Variants in ARHGEF4 observed in about 807,000 individuals in gnomAD.
The protein encoded by ARHGEF4 is APC-stimulated guanine nucleotide exchange factor 1.
A neutral mutation model predicts 162.0 loss-of-function variants in ARHGEF4; 119 were observed. The observed-to-expected ratio is 0.73, with a 90% CI of 0.63 to 0.86. ARHGEF4 has a LOEUF of 0.86. Ranked by LOEUF, ARHGEF4 falls within the 40% of genes least tolerant of loss-of-function variation. The pLI, the probability that ARHGEF4 is intolerant of heterozygous loss-of-function variation, is 0.00. For synonymous variants in ARHGEF4, 1,014 were observed against 979.9 expected (o/e 1.03, Z -0.65); for missense variants, 2,488 against 2,456.0 (o/e 1.01, Z -0.28).
Position 131,040,115 on chromosome 2 carries a change from C to G in ARHGEF4, c.4405C>G (p.Gln1469Glu). The part of the protein sequence containing the change: ...GGAEAQSSKD[Q>E]MRTNVINEIL... ...GGCGGAGGCGCAGAGCAGCAAGGAC[C>G]AGATGCGGACCAACGTCATCAACGA... The change falls in exon 7 of 14, where the codon CAG (glutamine) becomes GAG (glutamate). Residue 1469 changes from glutamine to glutamate, a missense_variant. Physicochemically the swap from Gln to Glu is conservative, Grantham distance 29. Around this residue, in one of 6 missense-constraint regions of ARHGEF4, gnomAD observed 174 missense variants for 148.3 expected, o/e 1.17. Coordinates refer to ENST00000409359, the MANE Select transcript of ARHGEF4 (RefSeq NM_001367493.1). 1 of 1,613,034 alleles carries G rather than the reference C, an allele frequency of 6.2e-7. No individual in the cohort carries two copies. Among genetic ancestry groups the G allele is most frequent in the Non-Finnish European group, 8.5e-7 (1 of 1,179,576 alleles).
rs532494287 is a variant in ARHGEF4, at chr2:131,041,657, A to G, written c.4896-158A>G. The stretch of plus-strand genomic sequence containing the variant: ...TATTAAGCTCTGCTCTGTGCTTGCC[A>G]TTTATGGAGAAGAGAGGGGCTGTGC... On this transcript the variant is annotated intron_variant, in intron 9 of 13. Transcript: ENST00000409359. The G allele has an allele frequency of 9.9e-5, 120 of 1,207,232 alleles. No homozygotes were observed. The East Asian group carries it at 2.7e-3, about 28-fold the overall frequency. The allele number at this position is 1,207,232 out of a possible 1,614,324, so 74.8% of individuals were successfully genotyped here.
chr2:130,838,217 A>G (rs913429560), intron 1 of ARHGEF4, among the ~76,000 whole-genome samples: 1 of 152,240 alleles, frequency 6.6e-6, no homozygotes, highest in African/African-American at 2.4e-5. Context: ...TGGGACAATC[A>G]CATAACCACC....
In ARHGEF4 at chr2:130,868,203, G is replaced by A. The variant is rs1251206444; in HGVS notation, c.39+31211G>A. ...GCCTCCCAGAGTGCTGGGATTACAG[G>A]AGTGAGCCACCACACCCGGCCAAGG... On this transcript the variant is annotated intron_variant, in intron 1 of 13. Transcript: ENST00000409359. Among the ~76,000 whole-genome samples the A allele has an allele frequency of 9.2e-5, 14 of 152,198 alleles. 1 individual carries two copies. The highest frequency in any genetic ancestry group is 7.2e-4 in the Admixed American group (11 of 15,280).
intron 4 of ARHGEF4, among the ~76,000 whole-genome samples, chr2:130,956,014 A>C (rs1303257073): frequency 6.6e-6 from 1 of 152,218 alleles, no homozygotes; most frequent in Non-Finnish European, 1.5e-5. Flanking sequence ...TTTGAGCCAG[A>C]GCTCAAGCTC....
chr2:130,839,597 C>T (rs929287139), intron 1 of ARHGEF4, among the ~76,000 whole-genome samples: 1 of 152,170 alleles, frequency 6.6e-6, no homozygotes, highest in Non-Finnish European at 1.5e-5. Flanking sequence ...GCAGACCAGT[C>T]GGAGAGCCTG....
At position 130,878,929 on chromosome 2, in the gene ARHGEF4, AAG is replaced by A. The variant is rs1411802655; in HGVS notation, c.40-35052_40-35051del. ...TTTTTTGGGCATCATGGGGACACAT[AAG>A]AGAGGAAGTAGTTTTTGGATTGGTC... On this transcript the variant is annotated intron_variant, in intron 1 of 13. Coordinates refer to ENST00000409359, the MANE Select transcript of ARHGEF4 (RefSeq NM_001367493.1). Among the ~76,000 whole-genome samples, 4 of 152,246 alleles carry A rather than the reference AAG, an allele frequency of 2.6e-5. No individual in the cohort carries two copies. In the East Asian group the frequency reaches 7.7e-4, roughly 29 times the overall value.
In ARHGEF4 at chr2:131,046,542, T is replaced by C. The variant is rs1691279684; in HGVS notation, c.*353T>C. ...AAGGCGCTACCTGCGTGGGACCCTCTTCTCTGGAAACCTAATCCTCCTTTC... is the reference window on the plus strand; with the variant it reads ...AAGGCGCTACCTGCGTGGGACCCTCCTCTCTGGAAACCTAATCCTCCTTTC... On this transcript the variant is annotated 3_prime_UTR_variant, in exon 14 of 14. Transcript: ENST00000409359. 4.6e-6 allele frequency: 1 copy of C among 217,034 alleles called. No homozygotes were observed. Among genetic ancestry groups the C allele is most frequent in the South Asian group, 1.3e-4 (1 of 7,662 alleles). The allele number at this position is 217,034 out of a possible 1,614,324, so 13.4% of individuals were successfully genotyped here. A position where few individuals can be genotyped will look rare whatever the true frequency, so the allele number is the denominator to read the frequency against.
At chr2:130,904,517 T>C (rs986338363) in intron 1 of ARHGEF4, among the ~76,000 whole-genome samples, 1 of 152,104 alleles carries the variant, frequency 6.6e-6, no homozygotes, top group African/African-American at 2.4e-5. Flanking sequence ...CCATTTGATA[T>C]AACAGCTAGG....
Position 130,915,926 on chromosome 2 carries a change from T to C in ARHGEF4, c.1980T>C (p.Pro660=). Residue 660 remains proline, a synonymous_variant, in exon 2 of 14, where the codon CCT becomes CCC. Coordinates refer to ENST00000409359, the MANE Select transcript of ARHGEF4 (RefSeq NM_001367493.1). The part of the protein sequence containing the change: ...PVPETLPRDF[P]KERPESPLST... ...CAGAAACACTGCCCCGTGACTTTCC[T>C]AAGGAAAGACCAGAATCTCCCTTGA... The C allele has an allele frequency of 6.4e-7, 1 of 1,550,536 alleles. No individual in the cohort carries two copies. The highest frequency in any genetic ancestry group is 8.7e-7 in the Non-Finnish European group (1 of 1,146,970).
At chr2:131,035,342 T>C in intron 5 of ARHGEF4, 2 of 1,128,794 alleles carry the variant, frequency 1.8e-6, no homozygotes, top group Non-Finnish European at 2.2e-6. Flanking sequence ...GCCTCCGCAC[T>C]GGTCGCGGAG....
intron 1 of ARHGEF4, chr2:130,837,646 C>T: frequency 2.2e-6 from 1 of 448,874 alleles, no homozygotes; most frequent in Non-Finnish European, 4.5e-6. Context: ...GGGCCGGGGG[C>T]TCCGGGGCAC....
chr2:131,013,664 G>A (rs545300736), intron 4 of ARHGEF4, among the ~76,000 whole-genome samples: 28 of 152,234 alleles, frequency 1.8e-4, no homozygotes, highest in Non-Finnish European at 2.6e-4. Flanking sequence ...GCAGTGGTGC[G>A]ATCTTGGCTC....
At chr2:130,931,583 G>T (rs1054867123) in intron 3 of ARHGEF4, among the ~76,000 whole-genome samples, 7 of 152,248 alleles carry the variant, frequency 4.6e-5, no homozygotes, top group Non-Finnish European at 7.3e-5. Context: ...CCTGCTGTGT[G>T]CCCGACATGA....
At chr2:130,918,881 A>C (rs918051200) in intron 2 of ARHGEF4, among the ~76,000 whole-genome samples, 6 of 152,194 alleles carry the variant, frequency 3.9e-5, no homozygotes, top group African/African-American at 1.4e-4. Flanking sequence ...AAGTTTAAAA[A>C]CAAAGCCAAA....
chr2:130,982,743 T>A (rs1469590737), intron 4 of ARHGEF4, among the ~76,000 whole-genome samples: 4 of 152,180 alleles, frequency 2.6e-5, no homozygotes. Context: ...TATATAACTT[T>A]TTTCACATCT....
At chr2:130,886,155 C>G (rs762427594) in intron 1 of ARHGEF4, among the ~76,000 whole-genome samples, 16 of 152,030 alleles carry the variant, frequency 1.1e-4, no homozygotes, top group Non-Finnish European at 1.9e-4. Flanking sequence ...ATCAACTTTG[C>G]CTCCTTGGTG....
chr2:131,030,097 C>G (rs1689745459), intron 5 of ARHGEF4, among the ~76,000 whole-genome samples: 1 of 152,232 alleles, frequency 6.6e-6, no homozygotes, highest in Non-Finnish European at 1.5e-5. Context: ...ATCATCCCAA[C>G]CAAAGCCCTC....
chr2:130,988,922 A>AGAGAGG (rs1553437068), intron 4 of ARHGEF4, among the ~76,000 whole-genome samples: 3 of 150,228 alleles, frequency 2.0e-5, no homozygotes, highest in Non-Finnish European at 4.4e-5. Context: ...AGAGAGAGAG[A>AGAGAGG]GAGAGAGAGA....
intron 4 of ARHGEF4, chr2:130,963,544 C>T (rs1003903341): frequency 1.3e-5 from 2 of 151,856 alleles, no homozygotes; most frequent in Non-Finnish European, 2.9e-5. Context: ...AAGGATGGCC[C>T]TGTCCTAACA....
Sources: allele counts gnomAD v4.1 joint callset (sites outside exome capture counted in the v4.1 genomes callset), GRCh38; gene constraint gnomAD v4.1.1; regional missense constraint gnomAD v4.1.1; transcripts MANE v1.5; gene names NCBI Gene and HGNC (gene_info 2026-07-23, HGNC 2026-07-21).